Variants in SETBP1 observed in about 807,000 individuals in gnomAD.
SETBP1 encodes SET binding protein 1, also known as SET-binding protein.
A neutral mutation model predicts 101.0 loss-of-function variants in SETBP1; 9 were observed. The ratio of observed to expected loss-of-function variants is 0.09; its 90% confidence interval spans 0.05 to 0.16. SETBP1 has a LOEUF of 0.16. Among genes scored for constraint, SETBP1 ranks in the 10% least tolerant of loss-of-function variants. SETBP1 has a pLI of 1.00. For synonymous variants in SETBP1, 818 were observed against 788.5 expected (o/e 1.04, Z -0.63); for missense variants, 1,858 against 2,033.8 (o/e 0.91, Z 1.66).
At chr18:44,803,908 C>T (rs1479263718) in intron 2 of SETBP1, among the ~76,000 whole-genome samples, 1 of 151,632 alleles carries the variant, frequency 6.6e-6, no homozygotes, top group Non-Finnish European at 1.5e-5. Flanking sequence ...GATGTCTTCT[C>T]ATGGTCTGTT....
intron 2 of SETBP1, among the ~76,000 whole-genome samples, chr18:44,862,686 T>C (rs909700971): frequency 6.6e-6 from 1 of 152,208 alleles, no homozygotes. Context: ...CAATAACAGA[T>C]CCATAGTACA....
At chr18:44,829,536 G>A (rs982343152) in intron 2 of SETBP1, among the ~76,000 whole-genome samples, 4 of 152,092 alleles carry the variant, frequency 2.6e-5, no homozygotes, top group African/African-American at 9.7e-5. Context: ...TCAAGAAGAA[G>A]GCCGACCATG....
Position 44,722,873 on chromosome 18 carries a change from G to A in SETBP1, c.486+21041G>A, listed in dbSNP as rs144712495. ...GCAAAAATTAAACAGCACAAATACC[G>A]TTTCTTTTCATCATCACAATATCCT... On this transcript the variant is annotated intron_variant, in intron 2 of 5. Transcript: ENST00000649279. Among the ~76,000 whole-genome samples, 297 of 152,282 alleles carry A rather than the reference G, an allele frequency of 2.0e-3. 1 individual carries two copies. The highest frequency in any genetic ancestry group is 7.0e-3 in the African/African-American group (292 of 41,558).
At chr18:44,744,794 A>C (rs565639860) in intron 2 of SETBP1, among the ~76,000 whole-genome samples, 146 of 150,888 alleles carry the variant, frequency 9.7e-4, no homozygotes, top group Non-Finnish European at 1.3e-3. Context: ...AAAAAAAAAA[A>C]CGCTTTCTTC....
chr18:44,835,764 C>G (rs1311283126), intron 2 of SETBP1, among the ~76,000 whole-genome samples: 5 of 152,184 alleles, frequency 3.3e-5, no homozygotes, highest in Admixed American at 1.3e-4. Context: ...GACTTCCAGA[C>G]CAACTCTGTG....
intron 2 of SETBP1, among the ~76,000 whole-genome samples, chr18:44,763,630 T>G (rs2070706144): frequency 6.6e-6 from 1 of 152,240 alleles, no homozygotes; most frequent in East Asian, 1.9e-4. Flanking sequence ...ATGAAACGCT[T>G]TCTCCGGTAC....
rs16978174 is a variant in SETBP1, at chr18:44,800,627, G to A, written c.487-68603G>A. Among the ~76,000 whole-genome samples, 771 of 152,260 alleles carry A rather than the reference G, an allele frequency of 5.1e-3. 6 individuals are homozygous for A. The highest frequency in any genetic ancestry group is 0.017 in the African/African-American group (717 of 41,554). On this transcript the variant is annotated intron_variant, in intron 2 of 5. Transcript: ENST00000649279. ...GGAAGAGCAGCCCAGCAATGAGGAC[G>A]TTTTTCCAAAAGACCCCAAGAGGGA...
chr18:44,854,759 G>T (rs1203227357), intron 2 of SETBP1, among the ~76,000 whole-genome samples: 1 of 152,042 alleles, frequency 6.6e-6, no homozygotes, highest in African/African-American at 2.4e-5. Context: ...ATCTCAAATT[G>T]TGCCCCACAT....
At chr18:44,969,379 A>G (rs1476423938) in intron 4 of SETBP1, among the ~76,000 whole-genome samples, 1 of 152,170 alleles carries the variant, frequency 6.6e-6, no homozygotes, top group Non-Finnish European at 1.5e-5. Context: ...GTTATGTCTA[A>G]TCTTTAGGAA....
intron 2 of SETBP1, among the ~76,000 whole-genome samples, chr18:44,752,568 A>T (rs1388215681): frequency 6.6e-6 from 1 of 152,250 alleles, no homozygotes; most frequent in African/African-American, 2.4e-5. Context: ...TGCTGTCTCT[A>T]TGTCATCTAA....
chr18:44,773,446 C>A (rs554170498), intron 2 of SETBP1, among the ~76,000 whole-genome samples: 8 of 152,348 alleles, frequency 5.3e-5, no homozygotes, highest in Admixed American at 3.3e-4. Flanking sequence ...CCAGGAGACA[C>A]TGCAGAGCTG....
chr18:44,790,852 A>G (rs959177895), intron 2 of SETBP1, among the ~76,000 whole-genome samples: 3 of 150,682 alleles, frequency 2.0e-5, no homozygotes, highest in African/African-American at 4.9e-5. Context: ...CTTTGGGGAG[A>G]TAAAAATGTA....
At chr18:44,742,363 G>T (rs577773983) in intron 2 of SETBP1, among the ~76,000 whole-genome samples, 1 of 152,204 alleles carries the variant, frequency 6.6e-6, no homozygotes, top group Non-Finnish European at 1.5e-5. Flanking sequence ...TCTTCTGGGA[G>T]ATTTTGCTCT....
chr18:44,798,159 T>C (rs1023295088), intron 2 of SETBP1, among the ~76,000 whole-genome samples: 1 of 152,104 alleles, frequency 6.6e-6, no homozygotes, highest in Non-Finnish European at 1.5e-5. Flanking sequence ...AATCACAAAA[T>C]AAGAATCCTT....
At chr18:44,801,848 A>G (rs1407028879) in intron 2 of SETBP1, among the ~76,000 whole-genome samples, 1 of 148,888 alleles carries the variant, frequency 6.7e-6, no homozygotes, top group Non-Finnish European at 1.5e-5. Context: ...ACGTTGTGGT[A>G]GTTAAATTGT....
At chr18:44,890,463 G>A (rs1407299670) in intron 3 of SETBP1, among the ~76,000 whole-genome samples, 1 of 152,060 alleles carries the variant, frequency 6.6e-6, no homozygotes, top group Non-Finnish European at 1.5e-5. Context: ...TAGCAGATGG[G>A]GAAGGCTCTT....
chr18:44,820,526 G>A (rs2072089354), intron 2 of SETBP1, among the ~76,000 whole-genome samples: 1 of 152,178 alleles, frequency 6.6e-6, no homozygotes, highest in Non-Finnish European at 1.5e-5. Context: ...CCAAGATTGA[G>A]ACCTGGGGTT....
intron 3 of SETBP1, chr18:44,877,361 T>G (rs1418546150): frequency 1.0e-6 from 1 of 971,452 alleles, no homozygotes; most frequent in Non-Finnish European, 1.2e-6. Flanking sequence ...TAAGCTCTGT[T>G]CTAGTTAACC....
At position 44,984,571 on chromosome 18, in the gene SETBP1, G is replaced by A. The variant is rs554445546; in HGVS notation, c.4000+31231G>A. ...ACCAGTCCATGGCCTTGGGTTTGGG[G>A]ACCCCTGCCATATATGCTATAACTA... On this transcript the variant is annotated intron_variant, in intron 4 of 5. Transcript: ENST00000649279. Among the ~76,000 whole-genome samples, 5 of 152,226 alleles carry A rather than the reference G, an allele frequency of 3.3e-5. No individual in the cohort carries two copies. In the South Asian group the frequency reaches 1.0e-3, roughly 32 times the overall value.
Sources: allele counts gnomAD v4.1 joint callset (sites outside exome capture counted in the v4.1 genomes callset), GRCh38; gene constraint gnomAD v4.1.1; transcripts MANE v1.5; gene names NCBI Gene and HGNC (gene_info 2026-07-23, HGNC 2026-07-21).